The following RGS5 variants were observed in gnomAD, a reference collection of about 807,000 sequenced individuals.
The protein encoded by RGS5 is regulator of G protein signaling 5, also known as regulator of G-protein signalling 5.
In RGS5, 20 loss-of-function variants were observed where a neutral mutation model predicts 18.9. The ratio of observed to expected loss-of-function variants is 1.06; its 90% CI spans 0.74 to 1.54. The LOEUF (loss-of-function observed/expected upper bound fraction) is 1.54. Among genes scored for constraint, RGS5 ranks in the 40% most tolerant of loss-of-function variants. The probability of loss-of-function intolerance (pLI) is 0.00; values close to 1 mark genes in which losing one functional copy is unlikely to be tolerated. For synonymous variants in RGS5, 57 were observed against 76.2 expected, an observed-to-expected ratio of 0.75 and a Z score of 1.31; for missense variants, 201 against 211.8, an observed-to-expected ratio of 0.95 and a Z score of 0.32.
chr1:163,273,714 G>A (rs1648780085), intron 2 of RGS5, among the ~76,000 whole-genome samples: 1 of 152,134 alleles, frequency 6.6e-6, no homozygotes. Flanking sequence ...CCCAGAGTAT[G>A]TATCACACTT....
In RGS5 at chr1:163,142,333, T is replaced by C. The variant is rs2102372344; in HGVS notation, c.*5009A>G. 1 of 152,296 alleles carries C rather than the reference T, an allele frequency of 6.6e-6. No homozygotes were observed. The highest frequency in any genetic ancestry group is 1.5e-5 in the Non-Finnish European group (1 of 68,020). The allele number at this position is 152,296 out of a possible 1,614,324, so 9.4% of individuals were successfully genotyped here. The stretch of plus-strand genomic sequence containing the variant: ...ATAGATATATATTTAATATAATATG[T>C]GTGATTGTGGTTACAGATACATATT... On this transcript the variant is annotated 3_prime_UTR_variant, in exon 5 of 5. Coordinates refer to ENST00000313961, the MANE Select transcript of RGS5 (RefSeq NM_003617.4).
intron 2 of RGS5, among the ~76,000 whole-genome samples, chr1:163,251,912 G>A (rs1648116581): frequency 6.6e-6 from 1 of 152,042 alleles, no homozygotes; most frequent in African/African-American, 2.4e-5. Context: ...TCATTGAAAG[G>A]CATTTGAGTT....
chr1:163,297,672 TAACATGA>T (rs1414521061), intron 2 of RGS5, among the ~76,000 whole-genome samples: 1 of 152,132 alleles, frequency 6.6e-6, no homozygotes, highest in African/African-American at 2.4e-5. Context: ...ATGTAACATG[TAACATGA>T]AGTATACATT....
chr1:163,191,230 G>A (rs2662774), intron 1 of RGS5, among the ~76,000 whole-genome samples: 36,760 of 151,996 alleles, frequency 0.24, 4,843 homozygotes, highest in African/African-American at 0.34. Context: ...GCTGGCAAGT[G>A]AGACTGACGC....
chr1:163,146,002 AC>A lies in RGS5; in HGVS notation c.*1339del, dbSNP rs1481048254. 6.6e-6 allele frequency: 1 copy of A among 152,196 alleles called. No homozygotes were observed. The highest frequency in any genetic ancestry group is 1.9e-4 in the East Asian group (1 of 5,196). The allele number at this position is 152,196 out of a possible 1,614,324, so 9.4% of individuals were successfully genotyped here. Reference sequence around the variant, plus strand: ...ATACATGGCTTAGTTTGATTCTGTTACTAAATTCTGTGAATCATTATTTAAT... The same window carrying A: ...ATACATGGCTTAGTTTGATTCTGTTATAAATTCTGTGAATCATTATTTAAT... On this transcript the variant is annotated 3_prime_UTR_variant, in exon 5 of 5. Coordinates refer to ENST00000313961, the MANE Select transcript of RGS5 (RefSeq NM_003617.4).
chr1:163,301,080 T>C (rs879371442), intron 2 of RGS5, among the ~76,000 whole-genome samples: 1 of 152,194 alleles, frequency 6.6e-6, no homozygotes, highest in Non-Finnish European at 1.5e-5. Flanking sequence ...GTACTGGTGA[T>C]AATTCATTTT....
intron 4 of RGS5, among the ~76,000 whole-genome samples, chr1:163,152,058 A>C (rs530560380): frequency 1.3e-5 from 2 of 152,264 alleles, no homozygotes; most frequent in African/African-American, 2.4e-5. Context: ...TTTGACTGAG[A>C]CCTATCACAA....
intron 2 of RGS5, among the ~76,000 whole-genome samples, chr1:163,163,772 TA>T (rs1253744669): frequency 6.6e-6 from 1 of 152,156 alleles, no homozygotes; most frequent in Non-Finnish European, 1.5e-5. Context: ...AGCAGGACAT[TA>T]AATTATTAGA....
intron 2 of RGS5, among the ~76,000 whole-genome samples, chr1:163,287,659 T>C (rs1649178327): frequency 6.6e-6 from 1 of 152,242 alleles, no homozygotes; most frequent in Admixed American, 6.5e-5. Context: ...ATATGCTTTC[T>C]GGATGGGTAA....
chr1:163,219,711 A>G (rs1378023352), upstream of RGS5, among the ~76,000 whole-genome samples: 1 of 152,204 alleles, frequency 6.6e-6, no homozygotes, highest in East Asian at 1.9e-4. Context: ...TATAAAAACA[A>G]AAGTTCCTTG....
At chr1:163,162,272 TC>T (rs1657833878) in intron 2 of RGS5, among the ~76,000 whole-genome samples, 1 of 152,178 alleles carries the variant, frequency 6.6e-6, no homozygotes, top group South Asian at 2.1e-4. Flanking sequence ...GTCTTATGTA[TC>T]CCATGAAAGT....
intron 1 of RGS5, among the ~76,000 whole-genome samples, chr1:163,184,390 C>A (rs1658979911): frequency 6.9e-6 from 1 of 145,132 alleles, no homozygotes; most frequent in African/African-American, 2.6e-5. Flanking sequence ...TCCTGACCAC[C>A]CCATCCCTCC....
At chr1:163,209,990 T>TAA (rs1660063914) in intron 1 of RGS5, among the ~76,000 whole-genome samples, 1 of 152,092 alleles carries the variant, frequency 6.6e-6, no homozygotes, top group Admixed American at 6.5e-5. Context: ...CTGTATGTCT[T>TAA]TATTCTTTTT....
upstream of RGS5, among the ~76,000 whole-genome samples, chr1:163,218,833 T>A (rs1660274160): frequency 6.6e-6 from 1 of 152,148 alleles, no homozygotes; most frequent in Admixed American, 6.6e-5. Context: ...TCCTAAGAAG[T>A]GTTCTCTACC....
chr1:163,147,284 T>C lies in RGS5; in HGVS notation c.*58A>G. The C allele has an allele frequency of 6.7e-7, 1 of 1,498,194 alleles. No individual in the cohort carries two copies. The highest frequency in any genetic ancestry group is 9.0e-7 in the Non-Finnish European group (1 of 1,115,602). The allele number at this position is 1,498,194 out of a possible 1,614,324, so 92.8% of individuals were successfully genotyped here. A position where few individuals can be genotyped will look rare whatever the true frequency, so the allele number is the denominator to read the frequency against. On this transcript the variant is annotated 3_prime_UTR_variant, in exon 5 of 5. Transcript: ENST00000313961. ...GGAAGATATGTAGATTAATGGGAAA[T>C]GCAGGGTTATTATGGAGGAAATAAC...
intron 4 of RGS5, among the ~76,000 whole-genome samples, chr1:163,149,124 T>C (rs987761775): frequency 1.3e-5 from 2 of 152,226 alleles, no homozygotes; most frequent in African/African-American, 2.4e-5. Flanking sequence ...AAGGGGTCAA[T>C]GTACTTTATG....
upstream of RGS5, among the ~76,000 whole-genome samples, chr1:163,218,060 T>C (rs1660256410): frequency 6.6e-6 from 1 of 152,068 alleles, no homozygotes; most frequent in Non-Finnish European, 1.5e-5. Context: ...TTGTGTAATA[T>C]GGCTTTGCCA....
intron 1 of RGS5, among the ~76,000 whole-genome samples, chr1:163,180,894 C>A (rs1255141635): frequency 6.6e-6 from 1 of 151,818 alleles, no homozygotes; most frequent in South Asian, 2.1e-4. Context: ...CGGGGTTACA[C>A]CGCGTTAGCG....
At chr1:163,306,170 C>T (rs1033418772) in intron 2 of RGS5, 1 of 152,166 alleles carries the variant, frequency 6.6e-6, no homozygotes, top group East Asian at 1.9e-4. Flanking sequence ...TTAGAATTCA[C>T]AAACACTGTC....
Sources: allele counts gnomAD v4.1 joint callset (sites outside exome capture counted in the v4.1 genomes callset), GRCh38; gene constraint gnomAD v4.1.1; transcripts MANE v1.5; gene names NCBI Gene and HGNC (gene_info 2026-07-23, HGNC 2026-07-21).